The following MARCHF10 variants were observed in gnomAD, a reference collection of about 807,000 sequenced individuals.
The protein encoded by MARCHF10 is probable E3 ubiquitin-protein ligase MARCHF10.
MARCHF10 carries 64 observed loss-of-function variants against 76.2 expected under a neutral mutation model. That is an observed-to-expected ratio of 0.84 (90% confidence interval 0.69 to 1.03). The LOEUF (loss-of-function observed/expected upper bound fraction) is 1.03. Among genes scored for constraint, MARCHF10 ranks in the 50% least tolerant of loss-of-function variants. The probability of loss-of-function intolerance (pLI) is 0.00; values close to 1 mark genes in which losing one functional copy is unlikely to be tolerated. For missense variants in MARCHF10, 875 were observed against 958.0 expected (o/e 0.91, Z 1.14); for synonymous variants, 340 against 357.5 (o/e 0.95, Z 0.55).
chr17:62,767,506 A>C (rs1167165327), intron 3 of MARCHF10, among the ~76,000 whole-genome samples: 1 of 139,290 alleles, frequency 7.2e-6, no homozygotes, highest in Non-Finnish European at 1.5e-5. Flanking sequence ...GCCGGAGTGC[A>C]GTGGCATGAT....
intron 3 of MARCHF10, among the ~76,000 whole-genome samples, chr17:62,777,089 C>G (rs1187202449): frequency 6.6e-6 from 1 of 152,204 alleles, no homozygotes; most frequent in Non-Finnish European, 1.5e-5. Flanking sequence ...ATTCTCCACT[C>G]CAAGTCACAT....
intron 5 of MARCHF10, among the ~76,000 whole-genome samples, chr17:62,739,632 T>C (rs1306519250): frequency 6.6e-6 from 1 of 152,102 alleles, no homozygotes; most frequent in East Asian, 1.9e-4. Flanking sequence ...CCGCCTGCCT[T>C]GGCCTCCCAA....
At chr17:62,746,743 G>A in intron 4 of MARCHF10, 2 of 729,834 alleles carry the variant, frequency 2.7e-6, no homozygotes, top group Non-Finnish European at 4.5e-6. Context: ...AAGGTCCTGA[G>A]GATAAGAATT....
intron 2 of MARCHF10, among the ~76,000 whole-genome samples, chr17:62,794,069 T>TCAC (rs779100108): frequency 9.5e-6 from 1 of 105,138 alleles, no homozygotes; most frequent in South Asian, 3.3e-4. Flanking sequence ...ACCACCTCCA[T>TCAC]CACCACCACC....
intron 3 of MARCHF10, among the ~76,000 whole-genome samples, chr17:62,782,804 T>G (rs573067537): frequency 6.6e-6 from 1 of 152,222 alleles, no homozygotes; most frequent in South Asian, 2.1e-4. Flanking sequence ...CCCAAAGGAT[T>G]GAGCCAGGCA....
intron 2 of MARCHF10, among the ~76,000 whole-genome samples, chr17:62,796,710 CG>C (rs2092991494): frequency 6.6e-6 from 1 of 152,102 alleles, no homozygotes. Flanking sequence ...AATGTGCAGC[CG>C]GGTGCGGTGG....
At chr17:62,720,617 C>A (rs1371570852) in intron 8 of MARCHF10, among the ~76,000 whole-genome samples, 1 of 152,192 alleles carries the variant, frequency 6.6e-6, no homozygotes. Flanking sequence ...TCCCCCTCCC[C>A]CTGCTGGAAG....
At chr17:62,726,329 A>G (rs2090755486) in intron 6 of MARCHF10, among the ~76,000 whole-genome samples, 1 of 152,248 alleles carries the variant, frequency 6.6e-6, no homozygotes, top group African/African-American at 2.4e-5. Flanking sequence ...AAGAGGAAGA[A>G]ATGGACATTG....
chr17:62,775,838 A>G (rs1366589943), intron 3 of MARCHF10, among the ~76,000 whole-genome samples: 1 of 152,082 alleles, frequency 6.6e-6, no homozygotes, highest in Admixed American at 6.5e-5. Flanking sequence ...TTATTTAGAG[A>G]CAGGATCTCA....
intron 5 of MARCHF10, among the ~76,000 whole-genome samples, chr17:62,743,502 G>A (rs1472103113): frequency 1.3e-5 from 2 of 152,140 alleles, no homozygotes; most frequent in Non-Finnish European, 2.9e-5. Context: ...AATTAGCCGG[G>A]CATGGTGGTG....
chr17:62,736,490 T>C lies in MARCHF10; in HGVS notation c.1378A>G (p.Ile460Val), dbSNP rs751979477. 11 of 1,614,210 alleles carry C rather than the reference T, an allele frequency of 6.8e-6. No individual in the cohort carries two copies. The Middle Eastern group carries it at 4.9e-4, about 73-fold the overall frequency. Residue 460 changes from isoleucine to valine, a missense_variant, in exon 6 of 11, where the codon ATA becomes GTA. By Grantham distance (29) the Ile-to-Val change is conservative (BLOSUM62 3). Transcript: ENST00000311269. The stretch of plus-strand genomic sequence containing the variant: ...GAATTCACTGATGATCTTGGAGATA[T>C]TGGTCTGCCAGAAATAAAGTAGTCA... Reference protein sequence around the residue: ...SLDYFISGRPISPRSSVNSSY... With the variant: ...SLDYFISGRPVSPRSSVNSSY...
chr17:62,806,357 T>TG (rs1461607135), intron 1 of MARCHF10: 4 of 151,986 alleles, frequency 2.6e-5, no homozygotes, highest in Non-Finnish European at 5.9e-5. Flanking sequence ...AGGGTTGGGG[T>TG]GGGGGTGATA....
intron 1 of MARCHF10, among the ~76,000 whole-genome samples, chr17:62,803,979 A>G (rs1205497621): frequency 6.6e-6 from 1 of 152,202 alleles, no homozygotes; most frequent in East Asian, 1.9e-4. Flanking sequence ...ACTTCCCTAA[A>G]GTTACGGAGC....
intron 2 of MARCHF10, among the ~76,000 whole-genome samples, chr17:62,789,057 G>A (rs1424697643): frequency 6.4e-5 from 7 of 109,952 alleles, no homozygotes; most frequent in South Asian, 3.5e-4. Context: ...GCGACAGAGC[G>A]AGACTCCGTC....
intron 1 of MARCHF10, among the ~76,000 whole-genome samples, chr17:62,802,221 C>T (rs1189477450): frequency 6.6e-6 from 1 of 152,046 alleles, no homozygotes; most frequent in Admixed American, 6.6e-5. Context: ...CATCTTTGCT[C>T]TTTTTTTCTT....
chr17:62,781,969 G>GA (rs2148074545), intron 3 of MARCHF10, among the ~76,000 whole-genome samples: 2 of 152,246 alleles, frequency 1.3e-5, no homozygotes, highest in African/African-American at 4.8e-5. Flanking sequence ...AGAGGCAAAT[G>GA]CTATTTCGAG....
intron 4 of MARCHF10, among the ~76,000 whole-genome samples, chr17:62,748,394 G>C (rs977028301): frequency 6.9e-6 from 1 of 145,322 alleles, no homozygotes; most frequent in Non-Finnish European, 1.5e-5. Flanking sequence ...ACAGTGCAAG[G>C]CTCCATCTCA....
chr17:62,806,144 A>G (rs114861108), intron 1 of MARCHF10, among the ~76,000 whole-genome samples: 4 of 152,322 alleles, frequency 2.6e-5, no homozygotes, highest in Admixed American at 2.0e-4. Context: ...TTACCTCAGT[A>G]TAAGCAAACA....
chr17:62,749,380 C>T (rs1381826791), intron 4 of MARCHF10, among the ~76,000 whole-genome samples: 1 of 152,150 alleles, frequency 6.6e-6, no homozygotes, highest in Non-Finnish European at 1.5e-5. Flanking sequence ...AACCCTTATC[C>T]CGCCCCACAT....
Sources: gnomAD v4.1 joint callset for allele counts (sites outside exome capture counted in the v4.1 genomes callset) on GRCh38, gnomAD v4.1.1 for gene constraint, MANE v1.5 for transcripts, NCBI Gene and HGNC (gene_info 2026-07-23, HGNC 2026-07-21) for gene names.